Variants in RGS6 observed in about 807,000 individuals in gnomAD.
The protein encoded by RGS6 is regulator of G protein signaling 6, also known as regulator of G-protein signaling 6.
RGS6 carries 30 observed loss-of-function variants against 78.5 expected under a neutral mutation model. That is an observed-to-expected ratio of 0.38 (90% confidence interval 0.29 to 0.52). The LOEUF is 0.52. Among genes scored for constraint, RGS6 ranks in the 20% least tolerant of loss-of-function variants. The pLI is 0.85. For synonymous variants in RGS6, 206 were observed against 206.0 expected (o/e 1.00, Z 0.00); for missense variants, 495 against 609.7 (o/e 0.81, Z 1.98).
chr14:72,433,057 C>T (rs1225174866), intron 3 of RGS6, among the ~76,000 whole-genome samples: 3 of 152,168 alleles, frequency 2.0e-5, no homozygotes, highest in African/African-American at 4.8e-5. Flanking sequence ...AGCCCTGAAC[C>T]GTCCAATGAC....
the RGS6 span, among the ~76,000 whole-genome samples, chr14:71,891,435 C>A: frequency 6.6e-6 from 1 of 152,186 alleles, no homozygotes; most frequent in Non-Finnish European, 1.5e-5. Context: ...AGGGCACCTA[C>A]ACTTGGCCTC....
chr14:72,069,213 T>G (rs1054327330), intron 2 of RGS6, among the ~76,000 whole-genome samples: 1 of 152,062 alleles, frequency 6.6e-6, no homozygotes, highest in African/African-American at 2.4e-5. Context: ...TATCAAATGA[T>G]CCACCTGCCT....
At chr14:72,338,445 G>C (rs1248387400) in intron 2 of RGS6, among the ~76,000 whole-genome samples, 1 of 152,132 alleles carries the variant, frequency 6.6e-6, no homozygotes, top group African/African-American at 2.4e-5. Flanking sequence ...ACAGTAGGGG[G>C]GAAACCCATG....
intron 14 of RGS6, 78 bp from the exon 15 acceptor site, chr14:72,518,273 A>G (rs1385151280): frequency 3.6e-6 from 5 of 1,399,658 alleles, no homozygotes; most frequent in Admixed American, 3.8e-5. Context: ...TTCATGGGAC[A>G]TCAGCTCTGG....
At chr14:72,174,389 C>T (rs572557803) in intron 2 of RGS6, among the ~76,000 whole-genome samples, 67 of 152,294 alleles carry the variant, frequency 4.4e-4, no homozygotes, top group African/African-American at 9.9e-4. Context: ...TGAGCCACTG[C>T]GCCCGGTGAC....
At chr14:72,531,597 A>G (rs1453119254) in intron 15 of RGS6, among the ~76,000 whole-genome samples, 3 of 152,224 alleles carry the variant, frequency 2.0e-5, no homozygotes, top group Admixed American at 1.3e-4. Flanking sequence ...CCAACCAAAG[A>G]TGAAACCAAG....
chr14:72,518,248 T>C (rs2096980232), intron 14 of RGS6, 103 bp from the exon 15 acceptor site: 2 of 1,086,226 alleles, frequency 1.8e-6, no homozygotes, highest in Non-Finnish European at 2.7e-6. Context: ...GGCTGAGAGA[T>C]GCAGCAGAAT....
intron 2 of RGS6, among the ~76,000 whole-genome samples, chr14:72,123,158 G>A (rs1009776479): frequency 7.2e-5 from 11 of 152,114 alleles, no homozygotes; most frequent in African/African-American, 2.7e-4. Context: ...GTAGAGACAC[G>A]GTTTTGCCAT....
At chr14:72,273,132 CAA>C (rs776425541) in intron 2 of RGS6, among the ~76,000 whole-genome samples, 1 of 122,870 alleles carries the variant, frequency 8.1e-6, no homozygotes. Context: ...AACTCCATCT[CAA>C]AAAAAAAAAG....
At chr14:72,621,742 C>T in the RGS6 span, among the ~76,000 whole-genome samples, 3 of 152,252 alleles carry the variant, frequency 2.0e-5, no homozygotes, top group African/African-American at 7.2e-5. Context: ...ATTACAATTG[C>T]GGCATGGAGA....
intron 2 of RGS6, among the ~76,000 whole-genome samples, chr14:72,020,219 A>G (rs1273973314): frequency 1.3e-5 from 2 of 152,228 alleles, no homozygotes; most frequent in Non-Finnish European, 2.9e-5. Flanking sequence ...AGCTCTTGTG[A>G]ACTCTGCCAG....
chr14:72,261,041 A>G lies in RGS6; in HGVS notation c.85-91054A>G, dbSNP rs573776487. On this transcript the variant is annotated intron_variant, in intron 2 of 17. Transcript: ENST00000553525. ...CCTGACATGTATGTTGAAGTAGAAGATGTGTGTTTTGGGGGAGGGGCTCAC... is the reference window on the plus strand; with the variant it reads ...CCTGACATGTATGTTGAAGTAGAAGGTGTGTGTTTTGGGGGAGGGGCTCAC... Among the ~76,000 whole-genome samples the G allele has an allele frequency of 2.6e-5, 4 of 152,226 alleles. No homozygotes were observed. The South Asian group carries it at 8.3e-4, about 32-fold the overall frequency.
At chr14:72,495,376 A>G in intron 13 of RGS6, 114 bp downstream of exon 13, 1 of 731,776 alleles carries the variant, frequency 1.4e-6, no homozygotes, top group South Asian at 1.5e-5. Context: ...TAGAACAGAA[A>G]CCCCTCAAGT....
At chr14:72,362,196 T>C (rs1449338192) in intron 3 of RGS6, among the ~76,000 whole-genome samples, 1 of 152,078 alleles carries the variant, frequency 6.6e-6, no homozygotes, top group East Asian at 1.9e-4. Flanking sequence ...ATTAATCTAG[T>C]GAGAGAAACA....
intron 6 of RGS6, among the ~76,000 whole-genome samples, chr14:72,463,659 C>CA (rs1224502203): frequency 6.6e-6 from 1 of 152,204 alleles, no homozygotes; most frequent in African/African-American, 2.4e-5. Context: ...TACATTTGGC[C>CA]AGTGCAAAAT....
At position 72,450,180 on chromosome 14, in the gene RGS6, T is replaced by C. The variant is rs539860803; in HGVS notation, c.185-4348T>C. ...CCATATTTATATATATCTATACATATATAATTAATAGAACATAAATATTTT... is the reference window on the plus strand; with the variant it reads ...CCATATTTATATATATCTATACATACATAATTAATAGAACATAAATATTTT... On this transcript the variant is annotated intron_variant, in intron 3 of 17. Coordinates refer to ENST00000553525, the MANE Select transcript of RGS6 (RefSeq NM_001204424.2). Among the ~76,000 whole-genome samples, 5 of 152,100 alleles carry C rather than the reference T, an allele frequency of 3.3e-5. No individual in the cohort carries two copies. In the South Asian group the frequency reaches 1.0e-3, roughly 32 times the overall value.
chr14:72,342,610 A>T (rs963466159), intron 2 of RGS6, among the ~76,000 whole-genome samples: 18 of 150,636 alleles, frequency 1.2e-4, no homozygotes, highest in Non-Finnish European at 3.0e-5. Flanking sequence ...GATGCCTGTA[A>T]TCCCAGCTAC....
intron 2 of RGS6, among the ~76,000 whole-genome samples, chr14:72,036,200 A>ATTATTAT (rs1555445640): frequency 6.0e-4 from 88 of 146,814 alleles, no homozygotes; most frequent in Admixed American, 1.8e-3. Context: ...GCATGTAAAC[A>ATTATTAT]TATTATTATT....
intron 2 of RGS6, among the ~76,000 whole-genome samples, chr14:72,011,840 A>T (rs549850663): frequency 6.6e-6 from 1 of 152,280 alleles, no homozygotes; most frequent in African/African-American, 2.4e-5. Flanking sequence ...TATTTTCAGT[A>T]CTTTGGTAAT....
Sources: allele counts gnomAD v4.1 joint callset (sites outside exome capture counted in the v4.1 genomes callset), GRCh38; gene constraint gnomAD v4.1.1; transcripts MANE v1.5; gene names NCBI Gene and HGNC (gene_info 2026-07-23, HGNC 2026-07-21).